The following MAGEB2 variants were observed in gnomAD, a reference collection of about 807,000 sequenced individuals.
The protein encoded by MAGEB2 is MAGE family member B2.
For synonymous variants in MAGEB2, 107 were observed against 96.2 expected (o/e 1.11, Z -0.66); for missense variants, 365 against 243.2 (o/e 1.50, Z -3.33).
At chrX:30,218,523 C>T (rs747129353) in intron 1 of MAGEB2, 53 bp from the exon 2 acceptor site, 2 of 1,150,203 alleles carry the variant, frequency 1.7e-6, no homozygotes, top group Admixed American at 2.7e-5. Context: ...ATTCTCCCAT[C>T]TCCAGGTATA....
Position 30,219,873 on chromosome X carries a change from C to G in MAGEB2, c.*333C>G. 1 of 156,702 alleles carries G rather than the reference C, an allele frequency of 6.4e-6. No homozygotes were observed. The highest frequency in any genetic ancestry group is 1.3e-5 in the Non-Finnish European group (1 of 74,259). The allele number at this position is 156,702 out of a possible 1,213,427, so 12.9% of individuals were successfully genotyped here. A position where few individuals can be genotyped will look rare whatever the true frequency, so the allele number is the denominator to read the frequency against. ...CTTATTAATAAAAATCCTTAAATCACTTTTGTAATCCAGGACAAGAAAATG... is the reference window on the plus strand; with the variant it reads ...CTTATTAATAAAAATCCTTAAATCAGTTTTGTAATCCAGGACAAGAAAATG... On this transcript the variant is annotated 3_prime_UTR_variant, in exon 2 of 2. Coordinates refer to ENST00000378988, the MANE Select transcript of MAGEB2 (RefSeq NM_002364.5).
chrX:30,219,493 AC>A lies in MAGEB2; in HGVS notation c.916del (p.His306IlefsTer6). ...TGGTACCACCCCCTGTGCCTTCCCA[AC>A]CCATTACGAAGAAGCTTTGAAAGAT... The part of the protein sequence containing the change: ...VNGTTPCAFP[T>X]HYEEALKDEE... On this transcript the variant is annotated frameshift_variant, in exon 2 of 2. Transcript: ENST00000378988. LOFTEE classifies it low-confidence loss of function (END_TRUNC). 8.3e-7 allele frequency: 1 copy of A among 1,208,064 alleles called. No individual in the cohort carries two copies. Among genetic ancestry groups the A allele is most frequent in the Non-Finnish European group, 1.1e-6 (1 of 893,803 alleles).
At chrX:30,218,440 G>A (rs1047968564) in intron 1 of MAGEB2, 136 bp from the exon 2 acceptor site, 1 of 924,618 alleles carries the variant, frequency 1.1e-6, no homozygotes, top group Admixed American at 3.9e-5. Context: ...TGCCTTCAGG[G>A]AAACTTGCAA....
chrX:30,218,195 G>A lies in MAGEB2; in HGVS notation c.-5-381G>A, dbSNP rs751176441. 9.8e-5 allele frequency among the ~76,000 whole-genome samples: 11 copies of A among 112,161 alleles called. No homozygotes were observed. The South Asian group carries it at 4.2e-3, about 43-fold the overall frequency. ...GTCAAATTCACAGTAGCGGAAGGGAGTGGCTCAGGCCCTGCCAAGACTTCA... is the reference window on the plus strand; with the variant it reads ...GTCAAATTCACAGTAGCGGAAGGGAATGGCTCAGGCCCTGCCAAGACTTCA... On this transcript the variant is annotated intron_variant, in intron 1 of 1. Coordinates refer to ENST00000378988, the MANE Select transcript of MAGEB2 (RefSeq NM_002364.5).
At position 30,218,636 on chromosome X, in the gene MAGEB2, G is replaced by A. The variant is rs199746320; in HGVS notation, c.56G>A (p.Arg19Gln). 11 of 1,209,675 alleles carry A rather than the reference G, an allele frequency of 9.1e-6. No individual in the cohort carries two copies. Among genetic ancestry groups the A allele is most frequent in the African/African-American group, 1.7e-5 (1 of 57,296 alleles). ...GCCCGTGAGAAACGCCGCAAGGCCC[G>A]AGATGAGACCCGGGGTCTCAATGTT... ...LRAREKRRKA[R>Q]DETRGLNVPQ... Residue 19 changes from arginine (R) to glutamine (Q), a missense_variant, in exon 2 of 2, where the codon CGA becomes CAA. Transcript: ENST00000378988.
intron 1 of MAGEB2, among the ~76,000 whole-genome samples, chrX:30,216,726 A>AAAAAAAAAAT (rs1924412534): frequency 2.3e-5 from 1 of 44,314 alleles, no homozygotes; most frequent in East Asian, 3.4e-4. Flanking sequence ...TAAAAATACC[A>AAAAAAAAAAT]AAAAAAAAAT....
intron 1 of MAGEB2, 55 bp from the exon 2 acceptor site, chrX:30,218,521 A>C: frequency 8.7e-7 from 1 of 1,146,532 alleles, no homozygotes; most frequent in Admixed American, 2.8e-5. Context: ...TCATTCTCCC[A>C]TCTCCAGGTA....
chrX:30,219,312 C>T lies in MAGEB2; in HGVS notation c.732C>T (p.Pro244=), dbSNP rs1269700147. 3 of 1,211,487 alleles carry T rather than the reference C, an allele frequency of 2.5e-6. No individual in the cohort carries two copies. The highest frequency in any genetic ancestry group is 3.5e-5 in the South Asian group (2 of 56,937). Residue 244 remains proline (P), a synonymous_variant, in exon 2 of 2, where the codon CCC becomes CCT. Transcript: ENST00000378988. The part of the protein sequence containing the change: ...DGEEHSVFGE[P]WKLITKDLVQ... ...AGGAGCACTCAGTCTTTGGGGAACC[C>T]TGGAAGCTCATCACCAAAGATCTGG...
chrX:30,219,492 A>T lies in MAGEB2; in HGVS notation c.912A>T (p.Pro304=), dbSNP rs200351837. Residue 304 remains proline, a synonymous_variant, in exon 2 of 2, where the codon CCA becomes CCT. Coordinates refer to ENST00000378988, the MANE Select transcript of MAGEB2 (RefSeq NM_002364.5). ...ATGGTACCACCCCCTGTGCCTTCCC[A>T]ACCCATTACGAAGAAGCTTTGAAAG... The part of the protein sequence containing the change: ...KVNGTTPCAF[P]THYEEALKDE... The T allele has an allele frequency of 2.1e-5, 25 of 1,207,111 alleles. No homozygotes were observed. Among genetic ancestry groups the T allele is most frequent in the South Asian group, 1.8e-5 (1 of 56,262 alleles).
rs777166552 is a variant in MAGEB2 at position 30,219,159 on chromosome X, C to T, written c.579C>T (p.Leu193=). ...KVDLTDEESL[L]SSWDFPRRKL... ...ACCTCACTGATGAGGAATCCCTGCT[C>T]AGTTCCTGGGACTTTCCCAGGAGAA... is the stretch of plus-strand genomic sequence containing the variant. Residue 193 remains leucine, a synonymous_variant, in exon 2 of 2, where the codon CTC becomes CTT. Coordinates refer to ENST00000378988, the MANE Select transcript of MAGEB2 (RefSeq NM_002364.5). 1.7e-6 allele frequency: 2 copies of T among 1,210,791 alleles called. No homozygotes were observed. The highest frequency in any genetic ancestry group is 3.5e-5 in the South Asian group (2 of 56,710).
chrX:30,215,782 A>G (rs1196434254), intron 1 of MAGEB2, 127 bp downstream of exon 1: 1 of 93,881 alleles, frequency 1.1e-5, no homozygotes, highest in Non-Finnish European at 2.1e-5. Context: ...TTCCACCTGG[A>G]AAGTTCCAGG....
Position 30,219,719 on chromosome X carries a change from C to G in MAGEB2, c.*179C>G. 2 of 348,729 alleles carry G rather than the reference C, an allele frequency of 5.7e-6. No individual in the cohort carries two copies. The highest frequency in any genetic ancestry group is 1.0e-5 in the Non-Finnish European group (2 of 199,744). 28.7% of individuals were successfully genotyped at this position (348,729 alleles called of 1,213,427 possible). A position where few individuals can be genotyped will look rare whatever the true frequency, so the allele number is the denominator to read the frequency against. On this transcript the variant is annotated 3_prime_UTR_variant, in exon 2 of 2. Transcript: ENST00000378988. ...AATAACTTGTTGACTTTTTTTTTTT[C>G]TCTTTTTCAACTAGTGTTTCAACAG... is the stretch of plus-strand genomic sequence containing the variant.
chrX:30,218,187 G>A (rs763944081), intron 1 of MAGEB2, among the ~76,000 whole-genome samples: 25 of 112,050 alleles, frequency 2.2e-4, no homozygotes, highest in East Asian at 5.6e-4. Context: ...TCACAGTAGC[G>A]GAAGGGAGTG....
At position 30,218,773 on chromosome X, in the gene MAGEB2, G is replaced by A; in HGVS notation, c.193G>A (p.Ala65Thr). The A allele has an allele frequency of 1.7e-6, 2 of 1,191,857 alleles. No individual in the cohort carries two copies. The highest frequency in any genetic ancestry group is 1.1e-6 in the Non-Finnish European group (1 of 884,970). Reference sequence around the variant, plus strand: ...TGGCATTCCCCAGGAGCCTCAGAGAGCCCCAACCACTGCCGCTGCTGCGGC... The same window carrying A: ...TGGCATTCCCCAGGAGCCTCAGAGAACCCCAACCACTGCCGCTGCTGCGGC... ...AAGIPQEPQR[A>T]PTTAAAAAAG... Residue 65 changes from alanine (A) to threonine (T), a missense_variant, in exon 2 of 2, where the codon GCC becomes ACC. Ala to Thr is a moderately conservative substitution (Grantham distance 58). Coordinates refer to ENST00000378988, the MANE Select transcript of MAGEB2 (RefSeq NM_002364.5).
intron 1 of MAGEB2, among the ~76,000 whole-genome samples, chrX:30,217,931 A>G (rs75261012): frequency 0.078 from 8,725 of 111,820 alleles, 359 homozygotes; most frequent in Non-Finnish European, 0.11. Context: ...TCTTTTTTAT[A>G]TAAGATCTAA....
At position 30,219,822 on chromosome X, in the gene MAGEB2, A is replaced by G. The variant is rs1924522756; in HGVS notation, c.*282A>G. 9.0e-6 allele frequency: 2 copies of G among 222,928 alleles called. No individual in the cohort carries two copies. The highest frequency in any genetic ancestry group is 6.7e-5 in the Admixed American group (1 of 14,961). The allele number at this position is 222,928 out of a possible 1,213,427, so 18.4% of individuals were successfully genotyped here. A position where few individuals can be genotyped will look rare whatever the true frequency, so the allele number is the denominator to read the frequency against. ...TTGCTGTTTTTCAGGGACAGTAGAAAGTGTTTTGTTTTTTGAGTGAAACAA... is the reference window on the plus strand; with the variant it reads ...TTGCTGTTTTTCAGGGACAGTAGAAGGTGTTTTGTTTTTTGAGTGAAACAA... On this transcript the variant is annotated 3_prime_UTR_variant, in exon 2 of 2. Transcript: ENST00000378988.
chrX:30,216,980 G>T (rs867032538), intron 1 of MAGEB2, among the ~76,000 whole-genome samples: 1 of 109,346 alleles, frequency 9.1e-6, no homozygotes, highest in South Asian at 4.1e-4. Flanking sequence ...CGACTGCAGG[G>T]GGCTCCCACC....
rs1924371847 is a variant in MAGEB2, at chrX:30,215,589, A to G, written c.-72A>G. 1 of 110,016 alleles carries G rather than the reference A, an allele frequency of 9.1e-6. No homozygotes were observed. The highest frequency in any genetic ancestry group is 1.9e-5 in the Non-Finnish European group (1 of 52,665). The allele number at this position is 110,016 out of a possible 1,213,427, so 9.1% of individuals were successfully genotyped here. A position where few individuals can be genotyped will look rare whatever the true frequency, so the allele number is the denominator to read the frequency against. On this transcript the variant is annotated 5_prime_UTR_variant, in exon 1 of 2. Transcript: ENST00000378988. ...CTTCCGCTTTGGAGGCGAGGACCCG[A>G]GCGAGTGTAGGGGGTGCGGCGTCTG...
chrX:30,216,614 C>G (rs988781675), intron 1 of MAGEB2, among the ~76,000 whole-genome samples: 10 of 111,607 alleles, frequency 9.0e-5, no homozygotes, highest in Non-Finnish European at 1.1e-4. Context: ...GGCGCGGTGG[C>G]TCACGCCTGT....
Sources: allele counts gnomAD v4.1 joint callset (sites outside exome capture counted in the v4.1 genomes callset), GRCh38; gene constraint gnomAD v4.1.1; transcripts MANE v1.5; gene names NCBI Gene and HGNC (gene_info 2026-07-23, HGNC 2026-07-21).